Variants in MYOF observed in about 807,000 individuals in gnomAD.
MYOF encodes the protein fer-1-like 3, myoferlin.
MYOF carries 244 observed loss-of-function variants against 284.2 expected under a neutral mutation model. The observed-to-expected ratio is 0.86, with a 90% CI of 0.77 to 0.95. The LOEUF (loss-of-function observed/expected upper bound fraction) is 0.95, where lower values mean the gene tolerates loss of function less well. Ranked by LOEUF, MYOF falls within the 40% of genes least tolerant of loss-of-function variation. The pLI is 0.00. For synonymous variants in MYOF, 904 were observed against 919.7 expected, an observed-to-expected ratio of 0.98 and a Z score of 0.31; for missense variants, 2,496 against 2,560.6, an observed-to-expected ratio of 0.97 and a Z score of 0.54.
At chr10:93,359,709 C>A in intron 29 of MYOF, 124 bp downstream of exon 29, 5 of 1,308,290 alleles carry the variant, frequency 3.8e-6, no homozygotes, top group East Asian at 2.4e-5. Context: ...CTTTGAGAAC[C>A]CTTGAGTGGA....
intron 3 of MYOF, among the ~76,000 whole-genome samples, chr10:93,436,697 G>A (rs1209642714): frequency 2.0e-5 from 3 of 152,130 alleles, no homozygotes; most frequent in African/African-American, 4.8e-5. Flanking sequence ...TTTCTGTGAC[G>A]TTGCCTGGAT....
In MYOF at chr10:93,396,135, G is replaced by A; in HGVS notation, c.1417+7C>T. ...CAGTCTTGTTCTAGATCTGTTGAGT[G>A]ACTTACCTTCCACTTCCCCACCAGA... On this transcript the variant is annotated splice_region_variant and intron_variant, in intron 16 of 53. Transcript: ENST00000359263. 1 of 1,599,472 alleles carries A rather than the reference G, an allele frequency of 6.3e-7. No individual in the cohort carries two copies. The highest frequency in any genetic ancestry group is 1.3e-5 in the African/African-American group (1 of 74,502).
rs1485606138 is a variant in MYOF, at chr10:93,377,373, C to T, written c.2058G>A (p.Gln686=). Residue 686 remains glutamine (Q), a synonymous_variant, in exon 22 of 54, where the codon CAG becomes CAA. Coordinates refer to ENST00000359263, the MANE Select transcript of MYOF (RefSeq NM_013451.4). ...SGIQGKIPAN[Q]LAELWLKLID... ...TCAGCTTCAGCCACAATTCAGCCAGCTGGTTTGCAGGAATTTTACCTTGTA... is the reference window on the plus strand; with the variant it reads ...TCAGCTTCAGCCACAATTCAGCCAGTTGGTTTGCAGGAATTTTACCTTGTA... 6.2e-7 allele frequency: 1 copy of T among 1,614,120 alleles called. No individual in the cohort carries two copies. Among genetic ancestry groups the T allele is most frequent in the South Asian group, 1.1e-5 (1 of 91,072 alleles).
intron 1 of MYOF, among the ~76,000 whole-genome samples, chr10:93,462,847 A>G (rs1053494074): frequency 6.6e-5 from 10 of 152,110 alleles, no homozygotes; most frequent in African/African-American, 2.4e-4. Context: ...AAAAGGTTAA[A>G]CCTGCAGGCA....
At chr10:93,394,588 G>A (rs1846893682) in intron 16 of MYOF, among the ~76,000 whole-genome samples, 1 of 149,200 alleles carries the variant, frequency 6.7e-6, no homozygotes, top group Admixed American at 6.7e-5. Flanking sequence ...AGCCTCCAGA[G>A]TAGCTGGGAC....
At chr10:93,319,804 T>A (rs144426769) in intron 49 of MYOF, 68 bp downstream of exon 49, 1 of 1,597,884 alleles carries the variant, frequency 6.3e-7, no homozygotes, top group Admixed American at 1.7e-5. Flanking sequence ...AGCTCCAGCA[T>A]TCTATGAGCT....
In MYOF at chr10:93,332,262, G is replaced by A. The variant is rs372817982; in HGVS notation, c.4811+959C>T. On this transcript the variant is annotated intron_variant, in intron 43 of 53. Coordinates refer to ENST00000359263, the MANE Select transcript of MYOF (RefSeq NM_013451.4). ...TTGGGAGACGGAGTCTTGCTCTGTC[G>A]CCCAGGCTGGAGTGCAATGGCGCGA... Among the ~76,000 whole-genome samples, 277 of 148,712 alleles carry A rather than the reference G, an allele frequency of 1.9e-3. 2 individuals are homozygous for A. The highest frequency in any genetic ancestry group is 6.6e-3 in the African/African-American group (267 of 40,172).
At chr10:93,444,040 G>A (rs111311439) in intron 3 of MYOF, among the ~76,000 whole-genome samples, 150 of 152,338 alleles carry the variant, frequency 9.8e-4, no homozygotes, top group African/African-American at 3.4e-3. Flanking sequence ...CTTTGTGAGA[G>A]AGGTTTGTTT....
intron 3 of MYOF, among the ~76,000 whole-genome samples, chr10:93,440,752 C>T (rs938889045): frequency 4.6e-5 from 7 of 152,176 alleles, no homozygotes; most frequent in African/African-American, 1.7e-4. Context: ...CCTAAGAGAT[C>T]ACCCGCCAAA....
intron 1 of MYOF, among the ~76,000 whole-genome samples, chr10:93,481,527 C>T (rs1162805198): frequency 6.6e-6 from 1 of 152,140 alleles, no homozygotes; most frequent in Non-Finnish European, 1.5e-5. Flanking sequence ...GAGTTCTTTC[C>T]TCAATGAGCA....
chr10:93,400,614 TC>T (rs145051660), intron 12 of MYOF, among the ~76,000 whole-genome samples: 10,584 of 152,072 alleles, frequency 0.07, 444 homozygotes, highest in African/African-American at 0.11. Context: ...GAGTGCAGCC[TC>T]CTGGGGACTT....
chr10:93,402,193 T>C, intron 11 of MYOF, 39 bp downstream of exon 11: 1 of 1,557,440 alleles, frequency 6.4e-7, no homozygotes, highest in Non-Finnish European at 8.9e-7. Flanking sequence ...CCTTCTTTTT[T>C]AGTGAGAAGT....
chr10:93,340,036 C>T lies in MYOF; in HGVS notation c.4338+117G>A, dbSNP rs541728394. 117 of 1,096,588 alleles carry T rather than the reference C, an allele frequency of 1.1e-4. 1 individual carries two copies. The highest frequency in any genetic ancestry group is 1.4e-4 in the Non-Finnish European group (109 of 752,134). The allele number at this position is 1,096,588 out of a possible 1,614,324, so 67.9% of individuals were successfully genotyped here. On this transcript the variant is annotated intron_variant, in intron 39 of 53. Transcript: ENST00000359263. ...CGGAGCCTGCAGTGAGCCAAGATCG[C>T]GCCACTGCACTCCAGCCTGGGTGAA...
intron 3 of MYOF, among the ~76,000 whole-genome samples, chr10:93,441,625 A>G (rs1035750114): frequency 7.0e-6 from 1 of 143,340 alleles, no homozygotes; most frequent in African/African-American, 2.6e-5. Flanking sequence ...GTGCAATGGC[A>G]CGGTCTCGGC....
At chr10:93,429,456 G>A (rs1228749094) in intron 4 of MYOF, among the ~76,000 whole-genome samples, 1 of 152,238 alleles carries the variant, frequency 6.6e-6, no homozygotes, top group East Asian at 1.9e-4. Context: ...CATTCTAGGG[G>A]TCTACATATG....
chr10:93,315,638 A>G (rs114810322), intron 50 of MYOF, among the ~76,000 whole-genome samples: 138 of 152,262 alleles, frequency 9.1e-4, no homozygotes, highest in African/African-American at 3.2e-3. Flanking sequence ...GACCCTCACA[A>G]CGATTTCCTT....
intron 3 of MYOF, among the ~76,000 whole-genome samples, chr10:93,437,380 GGAGT>G (rs1849176339): frequency 6.6e-6 from 1 of 152,062 alleles, no homozygotes; most frequent in Non-Finnish European, 1.5e-5. Context: ...GCATGCCTCT[GGAGT>G]GAGTAAGGGC....
intron 19 of MYOF, among the ~76,000 whole-genome samples, chr10:93,386,833 C>T (rs963591754): frequency 2.0e-5 from 3 of 152,214 alleles, no homozygotes; most frequent in Non-Finnish European, 2.9e-5. Context: ...AACAGGCAGA[C>T]ATCAGACGAC....
intron 3 of MYOF, among the ~76,000 whole-genome samples, chr10:93,439,109 T>A (rs959539680): frequency 5.9e-5 from 9 of 152,196 alleles, no homozygotes; most frequent in African/African-American, 2.2e-4. Flanking sequence ...ACGATTTTCG[T>A]GGCCAGCATC....
Sources: gnomAD v4.1 joint callset for allele counts (sites outside exome capture counted in the v4.1 genomes callset) on GRCh38, gnomAD v4.1.1 for gene constraint, MANE v1.5 for transcripts, NCBI Gene and HGNC (gene_info 2026-07-23, HGNC 2026-07-21) for gene names.